ZEB1: variants seen among roughly 807,000 people sequenced by gnomAD.
The protein encoded by ZEB1 is zinc finger E-box binding homeobox 1.
A neutral mutation model predicts 84.9 loss-of-function variants in ZEB1; 21 were observed. That is an observed-to-expected ratio of 0.25 (90% CI 0.18 to 0.36). The LOEUF (loss-of-function observed/expected upper bound fraction) is 0.36, where lower values mean the gene tolerates loss of function less well. Among genes scored for constraint, ZEB1 ranks in the 10% least tolerant of loss-of-function variants. ZEB1 has a pLI of 1.00. For synonymous variants in ZEB1, 420 were observed against 471.1 expected (o/e 0.89, Z 1.41); for missense variants, 1,104 against 1,330.2 (o/e 0.83, Z 2.65).
chr10:31,328,613 G>A lies in ZEB1; in HGVS notation c.58+9321G>A, dbSNP rs965492920. On this transcript the variant is annotated intron_variant, in intron 1 of 8. Coordinates refer to ENST00000424869, the MANE Select transcript of ZEB1 (RefSeq NM_001174096.2). ...TTAACATTGCTTAGTTCAGACCTTG[G>A]ACAAAGCTGTTAAATGATCAATAGA... Among the ~76,000 whole-genome samples the A allele has an allele frequency of 2.0e-5, 3 of 151,958 alleles. No homozygotes were observed. In the South Asian group the frequency reaches 6.2e-4, roughly 32 times the overall value.
chr10:31,497,425 A>G (rs910454821), intron 3 of ZEB1, among the ~76,000 whole-genome samples: 3 of 152,178 alleles, frequency 2.0e-5, no homozygotes, highest in African/African-American at 7.2e-5. Context: ...TGTGTTTAAC[A>G]AAAGTTGCTG....
intron 2 of ZEB1, among the ~76,000 whole-genome samples, chr10:31,477,986 TAAAAC>T (rs915766337): frequency 1.3e-5 from 2 of 151,448 alleles, no homozygotes; most frequent in Admixed American, 1.3e-4. Flanking sequence ...CAAAAGAAAA[TAAAAC>T]AAGAACAAAA....
At chr10:31,381,455 A>C (rs1451225325) in intron 1 of ZEB1, among the ~76,000 whole-genome samples, 2 of 152,208 alleles carry the variant, frequency 1.3e-5, no homozygotes, top group Non-Finnish European at 2.9e-5. Flanking sequence ...AACAATTTTA[A>C]GATTCAAATA....
intron 1 of ZEB1, among the ~76,000 whole-genome samples, chr10:31,425,149 AT>A (rs2056762076): frequency 6.6e-6 from 1 of 152,130 alleles, no homozygotes; most frequent in Non-Finnish European, 1.5e-5. Flanking sequence ...AGAGGTGTGT[AT>A]TTGGTATTTC....
intron 1 of ZEB1, among the ~76,000 whole-genome samples, chr10:31,338,544 TAAAC>T (rs1267858811): frequency 1.3e-5 from 2 of 152,198 alleles, no homozygotes; most frequent in African/African-American, 4.8e-5. Context: ...TGTTCTTTAA[TAAAC>T]AGGGTACTAT....
intron 2 of ZEB1, among the ~76,000 whole-genome samples, chr10:31,475,269 G>A (rs936500159): frequency 2.0e-5 from 3 of 151,540 alleles, no homozygotes; most frequent in African/African-American, 7.3e-5. Flanking sequence ...TTTTGTAAAT[G>A]AACAAAGTCT....
intron 1 of ZEB1, among the ~76,000 whole-genome samples, chr10:31,354,607 C>T (rs932473489): frequency 1.3e-5 from 2 of 151,988 alleles, no homozygotes; most frequent in East Asian, 1.9e-4. Context: ...ATTACTTTGG[C>T]GAGGTTTCCA....
At chr10:31,384,855 A>T (rs1055002299) in intron 1 of ZEB1, among the ~76,000 whole-genome samples, 1 of 152,144 alleles carries the variant, frequency 6.6e-6, no homozygotes, top group Non-Finnish European at 1.5e-5. Context: ...CCAGCTTAGT[A>T]GTCTTTTCCT....
chr10:31,510,441 C>A (rs1179048264), intron 4 of ZEB1, among the ~76,000 whole-genome samples: 3 of 152,112 alleles, frequency 2.0e-5, no homozygotes, highest in African/African-American at 7.2e-5. Context: ...CGTATTTGAA[C>A]CCTGACTTCA....
At chr10:31,490,954 G>C (rs541720119) in intron 2 of ZEB1, among the ~76,000 whole-genome samples, 195 of 151,852 alleles carry the variant, frequency 1.3e-3, no homozygotes, top group African/African-American at 4.6e-3. Context: ...CCTTTGAAAT[G>C]CTGTTCAGAT....
intron 6 of ZEB1, among the ~76,000 whole-genome samples, chr10:31,516,416 T>G (rs1023879816): frequency 3.3e-5 from 5 of 151,486 alleles, no homozygotes; most frequent in African/African-American, 1.2e-4. Flanking sequence ...TGGAGTAAAT[T>G]GTTGGGGGGA....
At chr10:31,380,921 T>C (rs2047516178) in intron 1 of ZEB1, among the ~76,000 whole-genome samples, 1 of 152,196 alleles carries the variant, frequency 6.6e-6, no homozygotes, top group African/African-American at 2.4e-5. Context: ...GTTGGTCCTA[T>C]AGGAGTTGGA....
rs201641233 is a variant in ZEB1, at chr10:31,349,746, G to GT, written c.58+30461dup. Among the ~76,000 whole-genome samples, 129 of 152,072 alleles carry GT rather than the reference G, an allele frequency of 8.5e-4. 1 individual carries two copies. The East Asian group carries it at 0.023, about 27-fold the overall frequency. Reference sequence around the variant, plus strand: ...TTATGAAATGTCTGCACCCTTTGCTGTTTTTTTATTAGGTTTATTTATTTT... The same window carrying GT: ...TTATGAAATGTCTGCACCCTTTGCTGTTTTTTTTATTAGGTTTATTTATTTT... On this transcript the variant is annotated intron_variant, in intron 1 of 8. Transcript: ENST00000424869.
At chr10:31,371,735 G>A (rs1456622221) in intron 1 of ZEB1, among the ~76,000 whole-genome samples, 1 of 152,070 alleles carries the variant, frequency 6.6e-6, no homozygotes, top group Non-Finnish European at 1.5e-5. Context: ...TCTCTGAATA[G>A]TTTATAAGTG....
intron 1 of ZEB1, among the ~76,000 whole-genome samples, chr10:31,449,150 T>C (rs1396229323): frequency 6.6e-6 from 1 of 152,240 alleles, no homozygotes; most frequent in Admixed American, 6.5e-5. Context: ...AAAAGCGCAA[T>C]ATTCGGGTGG....
chr10:31,360,278 A>G (rs538735439), intron 1 of ZEB1, among the ~76,000 whole-genome samples: 2 of 152,326 alleles, frequency 1.3e-5, no homozygotes, highest in South Asian at 2.1e-4. Flanking sequence ...GACAAACATG[A>G]TGGGAATTAA....
At chr10:31,518,101 T>C (rs1347008031) in intron 6 of ZEB1, among the ~76,000 whole-genome samples, 2 of 152,168 alleles carry the variant, frequency 1.3e-5, no homozygotes, top group Non-Finnish European at 2.9e-5. Context: ...GTAGTTCATG[T>C]AAAAATGTTA....
At chr10:31,498,933 A>C (rs1205743273) in intron 3 of ZEB1, among the ~76,000 whole-genome samples, 1 of 152,060 alleles carries the variant, frequency 6.6e-6, no homozygotes, top group African/African-American at 2.4e-5. Context: ...AGTGTTCATC[A>C]TTCAGTTTCT....
chr10:31,463,673 G>A (rs187903613), intron 2 of ZEB1, among the ~76,000 whole-genome samples: 16 of 152,318 alleles, frequency 1.1e-4, no homozygotes, highest in African/African-American at 3.8e-4. Context: ...TTGTCTTTGA[G>A]AAGTAGTAAC....
Sources: allele counts gnomAD v4.1 joint callset (sites outside exome capture counted in the v4.1 genomes callset), GRCh38; gene constraint gnomAD v4.1.1; transcripts MANE v1.5; gene names NCBI Gene and HGNC (gene_info 2026-07-23, HGNC 2026-07-21).